ZAN: variants seen among roughly 807,000 people sequenced by gnomAD.
ZAN encodes zonadhesin (gene/pseudogene).
Under a neutral mutation model 286.2 loss-of-function variants are expected in ZAN, and 260 were observed. The observed-to-expected ratio is 0.91, with a 90% confidence interval of 0.82 to 1.01. ZAN has a LOEUF of 1.01. ZAN is among the 50% of genes least tolerant of loss of function. ZAN has a pLI of 0.00. For missense variants in ZAN, 3,410 were observed against 3,639.2 expected (o/e 0.94, Z 1.62); for synonymous variants, 1,368 against 1,417.5 (o/e 0.97, Z 0.79).
chr7:100,757,611 C>T (rs539247696), intron 15 of ZAN, among the ~76,000 whole-genome samples: 10 of 151,750 alleles, frequency 6.6e-5, no homozygotes, highest in South Asian at 2.1e-4. Flanking sequence ...AAAAATTAGC[C>T]GGGCGTCGTG....
At chr7:100,782,684 TG>T (rs541222939) in intron 35 of ZAN, among the ~76,000 whole-genome samples, 18,619 of 77,566 alleles carry the variant, frequency 0.24, 2,687 homozygotes, top group East Asian at 0.69. Flanking sequence ...GTTTTTTTTG[TG>T]TGTGTGTGTG....
intron 29 of ZAN, among the ~76,000 whole-genome samples, 168 bp from the exon 30 acceptor site, chr7:100,773,117 T>C (rs1035881915): frequency 2.6e-5 from 4 of 151,082 alleles, no homozygotes; most frequent in African/African-American, 9.7e-5. Flanking sequence ...TTGGCCAGCC[T>C]GTTCTCGAAC....
intron 17 of ZAN, 95 bp downstream of exon 17, chr7:100,758,745 A>G: frequency 2.0e-6 from 3 of 1,506,224 alleles, no homozygotes; most frequent in African/African-American, 2.8e-5. Context: ...GGGGCAGGGC[A>G]CAGATGGGGG....
At position 100,786,009 on chromosome 7, in the gene ZAN, T is replaced by C. The variant is rs1332875325; in HGVS notation, c.6847T>C (p.Trp2283Arg). 6.2e-7 allele frequency: 1 copy of C among 1,613,776 alleles called. No individual in the cohort carries two copies. The highest frequency in any genetic ancestry group is 2.2e-5 in the East Asian group (1 of 44,882). The change falls in exon 37 of 48, where the codon TGG becomes CGG. Residue 2283 changes from tryptophan to arginine, a missense_variant. By Grantham distance (101) the Trp-to-Arg change is moderately radical. This residue lies in a region of ZAN where 1,289 missense variants were observed against 1,314.3 expected (regional missense o/e 0.98). Transcript: ENST00000613979. ...GTAACTTCTACAGCTGGGCAAGAGC[T>C]GGGTCTCCAGCGGTTGCACGGAGAA... ...HGGSIPLGKS[W>R]VSSGCTEKCV...
In ZAN at chr7:100,793,817, C is replaced by A. The variant is rs951849571; in HGVS notation, c.7788-3C>A. 5 of 1,578,580 alleles carry A rather than the reference C, an allele frequency of 3.2e-6. No individual in the cohort carries two copies. The African/African-American group carries it at 5.4e-5, about 17-fold the overall frequency. ...CAGTTTCTGACCATGACTGTCCCCG[C>A]AGCCATGGAGTGTCCAGCAGGTACC... On this transcript the variant is annotated splice_polypyrimidine_tract_variant and splice_region_variant and intron_variant, in intron 42 of 47. Transcript: ENST00000613979.
At position 100,751,228 on chromosome 7, in the gene ZAN, C is replaced by T; in HGVS notation, c.1568C>T (p.Ala523Val). The stretch of plus-strand genomic sequence containing the variant: ...GGAAGCAACACGGCCTCTGTGGTTG[C>T]TATGGGTTTCATCTTGATCAATCCT... ...IQGSNTASVVAMGFILINPGT... is the reference protein window; with the variant it reads ...IQGSNTASVVVMGFILINPGT... The change falls in exon 13 of 48, where the codon GCT (alanine) becomes GTT (valine). Residue 523 changes from alanine to valine, a missense_variant. Around this residue, in one of 7 missense-constraint regions of ZAN, gnomAD observed 872 missense variants for 938.9 expected, o/e 0.93. Coordinates refer to ENST00000613979, the MANE Select transcript of ZAN (RefSeq NM_003386.3). 1 of 1,609,642 alleles carries T rather than the reference C, an allele frequency of 6.2e-7. No homozygotes were observed. The highest frequency in any genetic ancestry group is 8.5e-7 in the Non-Finnish European group (1 of 1,178,214).
Position 100,786,021 on chromosome 7 carries a change from G to T in ZAN, c.6859G>T (p.Gly2287Cys). The stretch of plus-strand genomic sequence containing the variant: ...GCTGGGCAAGAGCTGGGTCTCCAGC[G>T]GTTGCACGGAGAAGTGTGTCTGCAC... ...IPLGKSWVSSGCTEKCVCTGG... is the reference protein window; with the variant it reads ...IPLGKSWVSSCCTEKCVCTGG... The change falls in exon 37 of 48, where the codon GGT becomes TGT. Residue 2287 changes from glycine (G) to cysteine (C), a missense_variant. Physicochemically the swap from Gly to Cys is radical, Grantham distance 159. Coordinates refer to ENST00000613979, the MANE Select transcript of ZAN (RefSeq NM_003386.3). 6.2e-7 allele frequency: 1 copy of T among 1,613,868 alleles called. No individual in the cohort carries two copies. The highest frequency in any genetic ancestry group is 1.1e-5 in the South Asian group (1 of 91,080).
At chr7:100,768,072 C>G in intron 26 of ZAN, 61 bp downstream of exon 26, 1 of 1,535,146 alleles carries the variant, frequency 6.5e-7, no homozygotes, top group Non-Finnish European at 8.8e-7. Context: ...TGACCTGGTC[C>G]CAGCTCCCCC....
In ZAN at chr7:100,752,773, G is replaced by A. The variant is rs1223149362; in HGVS notation, c.2668G>A (p.Glu890Lys). Residue 890 changes from glutamate (E) to lysine (K), a missense_variant, in exon 14 of 48, where the codon GAA becomes AAA. Glu to Lys is a moderately conservative substitution (Grantham distance 56). This residue lies in a region of ZAN where 51 missense variants were observed against 105.2 expected (regional missense o/e 0.48). Transcript: ENST00000613979. ...IPTEKPTIPI[E>K]ETTISTEKLT... is the part of the protein sequence containing the mutation. ...CACGGAAAAACCCACCATCCCCATT[G>A]AAGAGACTACCATCTCCACAGAAAA... is the stretch of plus-strand genomic sequence containing the variant. 1 of 1,536,158 alleles carries A rather than the reference G, an allele frequency of 6.5e-7. No homozygotes were observed. The highest frequency in any genetic ancestry group is 1.8e-5 in the Admixed American group (1 of 56,154).
chr7:100,778,680 A>C (rs1311891251), intron 34 of ZAN, among the ~76,000 whole-genome samples: 1 of 152,056 alleles, frequency 6.6e-6, no homozygotes, highest in Non-Finnish European at 1.5e-5. Context: ...GAACACCAGA[A>C]GGGTTAGGAG....
At position 100,767,105 on chromosome 7, in the gene ZAN, C is replaced by A. The variant is rs747831815; in HGVS notation, c.4708C>A (p.Arg1570=). ...GGGCACCTGCACCTATGTCCTGACCCGGCCTTGCTGGTCCAGGTCCCAAGA... is the reference window on the plus strand; with the variant it reads ...GGGCACCTGCACCTATGTCCTGACCAGGCCTTGCTGGTCCAGGTCCCAAGA... ...FMGTCTYVLT[R]PCWSRSQDSY... The change falls in exon 25 of 48, where the codon CGG becomes AGG. Residue 1570 remains arginine (R), a synonymous_variant. Transcript: ENST00000613979. 2.9e-5 allele frequency: 47 copies of A among 1,613,812 alleles called. No homozygotes were observed. The highest frequency in any genetic ancestry group is 4.0e-5 in the Non-Finnish European group (47 of 1,179,902).
rs1347023185 is a variant in ZAN at position 100,764,227 on chromosome 7, G to A, written c.4267+31G>A. Reference sequence around the variant, plus strand: ...TTGTGCCAAACTCAGAGGAGAGGCCGGGCACGGTGGCTCACACCTATAATC... The same window carrying A: ...TTGTGCCAAACTCAGAGGAGAGGCCAGGCACGGTGGCTCACACCTATAATC... On this transcript the variant is annotated intron_variant, in intron 22 of 47. Coordinates refer to ENST00000613979, the MANE Select transcript of ZAN (RefSeq NM_003386.3). 4.7e-6 allele frequency: 7 copies of A among 1,482,872 alleles called. No homozygotes were observed. In the South Asian group the frequency reaches 8.0e-5, roughly 17 times the overall value. 91.9% of individuals were successfully genotyped at this position (1,482,872 alleles called of 1,614,324 possible).
In ZAN at chr7:100,752,936, C is replaced by T. The variant is rs756634865; in HGVS notation, c.2831C>T (p.Pro944Leu). Residue 944 changes from proline to leucine, a missense_variant, in exon 14 of 48, where the codon CCC (proline) becomes CTC (leucine). Transcript: ENST00000613979. ...ATCTCCACAGAAAAACTCACCATCC[C>T]CACAGAAAAACCCACCATCTCCCCA... Reference protein sequence around the residue: ...TTISTEKLTIPTEKPTISPEK... With the variant: ...TTISTEKLTILTEKPTISPEK... The T allele has an allele frequency of 5.6e-6, 9 of 1,610,942 alleles. No homozygotes were observed. The highest frequency in any genetic ancestry group is 7.6e-6 in the Non-Finnish European group (9 of 1,178,802).
rs1362083292 is a variant in ZAN at position 100,739,726 on chromosome 7, C to T, written c.766+1113C>T. On this transcript the variant is annotated intron_variant, in intron 7 of 47. Transcript: ENST00000613979. ...AGGCTGGAGTGCAGTGGCTCTATCT[C>T]GGCTCACTGCAAGCTCCGCTGCCCA... Among the ~76,000 whole-genome samples the T allele has an allele frequency of 6.5e-5, 9 of 139,100 alleles. 1 individual carries two copies. Among genetic ancestry groups the T allele is most frequent in the African/African-American group, 1.0e-4 (4 of 38,174 alleles). 91.3% of individuals were successfully genotyped at this position (139,100 alleles called of 152,430 possible). A position where few individuals can be genotyped will look rare whatever the true frequency, so the allele number is the denominator to read the frequency against.
chr7:100,746,818 G>C, intron 8 of ZAN, 116 bp downstream of exon 8: 1 of 1,241,184 alleles, frequency 8.1e-7, no homozygotes, highest in Non-Finnish European at 1.1e-6. Context: ...ATATGTGCGA[G>C]ACTATTCCAT....
In ZAN at chr7:100,779,566, G is replaced by A; in HGVS notation, c.6438G>A (p.Arg2146=). ...RAREKCEAAL[R]APVWAQCASR... Reference sequence around the variant, plus strand: ...GGGAAAAGTGCGAGGCAGCGCTCCGGGCTCCTGTGTGGGCCCAGTGCGCCT... The same window carrying A: ...GGGAAAAGTGCGAGGCAGCGCTCCGAGCTCCTGTGTGGGCCCAGTGCGCCT... Residue 2146 remains arginine (R), a synonymous_variant, in exon 35 of 48, where the codon CGG becomes CGA. Transcript: ENST00000613979. 1 of 1,610,788 alleles carries A rather than the reference G, an allele frequency of 6.2e-7. No individual in the cohort carries two copies. Among genetic ancestry groups the A allele is most frequent in the Non-Finnish European group, 8.5e-7 (1 of 1,178,688 alleles).
chr7:100,765,305 C>T, intron 22 of ZAN, 47 bp from the exon 23 acceptor site: 1 of 1,598,640 alleles, frequency 6.3e-7, no homozygotes, highest in Non-Finnish European at 8.5e-7. Context: ...CCACCCAGCC[C>T]CGTGGCTTGT....
At chr7:100,746,471 G>T (rs1489989119) in intron 7 of ZAN, 67 bp from the exon 8 acceptor site, 10 of 1,575,534 alleles carry the variant, frequency 6.3e-6, no homozygotes, top group Middle Eastern at 1.7e-4. Flanking sequence ...CCTCCTCAGG[G>T]CCCTATCTCT....
At chr7:100,768,057 G>T (rs1246720580) in intron 26 of ZAN, 46 bp downstream of exon 26, 1 of 1,573,276 alleles carries the variant, frequency 6.4e-7, no homozygotes, top group Non-Finnish European at 8.6e-7. Flanking sequence ...CAATGAGTAG[G>T]CGTGTGACCT....
Sources: gnomAD v4.1 joint callset for allele counts (sites outside exome capture counted in the v4.1 genomes callset) on GRCh38, gnomAD v4.1.1 for gene constraint, gnomAD v4.1.1 regional missense constraint, MANE v1.5 for transcripts, NCBI Gene and HGNC (gene_info 2026-07-23, HGNC 2026-07-21) for gene names.